PRKCE: variants seen among roughly 807,000 people sequenced by gnomAD.
The protein encoded by PRKCE is protein kinase C epsilon type.
Under a neutral mutation model 85.4 loss-of-function variants are expected in PRKCE, and 16 were observed. That is an observed-to-expected ratio of 0.19 (90% CI 0.13 to 0.28). The LOEUF (loss-of-function observed/expected upper bound fraction) is 0.28, where lower values mean the gene tolerates loss of function less well. Among genes scored for constraint, PRKCE ranks in the 10% least tolerant of loss-of-function variants. The probability of loss-of-function intolerance (pLI) is 1.00; values close to 1 mark genes in which losing one functional copy is unlikely to be tolerated. For synonymous variants in PRKCE, 388 were observed against 371.5 expected (o/e 1.04, Z -0.51); for missense variants, 573 against 975.2 (o/e 0.59, Z 5.49).
chr2:46,052,166 T>C (rs1188908454), intron 10 of PRKCE, among the ~76,000 whole-genome samples: 1 of 152,192 alleles, frequency 6.6e-6, no homozygotes, highest in Non-Finnish European at 1.5e-5. Flanking sequence ...TTCCTTCCAG[T>C]AGTTGAGTCT....
chr2:45,819,481 T>G (rs1366563298), intron 1 of PRKCE, among the ~76,000 whole-genome samples: 1 of 152,176 alleles, frequency 6.6e-6, no homozygotes, highest in African/African-American at 2.4e-5. Context: ...TGCAGCTGAG[T>G]GGCCGTTCTG....
At chr2:46,016,746 T>G (rs796325512) in intron 10 of PRKCE, among the ~76,000 whole-genome samples, 11 of 152,018 alleles carry the variant, frequency 7.2e-5, no homozygotes, top group African/African-American at 2.7e-4. Context: ...CCATCTTTAC[T>G]AAAAATACAA....
intron 14 of PRKCE, among the ~76,000 whole-genome samples, chr2:46,169,744 A>G (rs944107910): frequency 1.3e-5 from 2 of 152,142 alleles, no homozygotes; most frequent in African/African-American, 4.8e-5. Flanking sequence ...CAGGATTTGC[A>G]GACTTCCTGG....
At chr2:45,985,606 AG>A (rs1373263701) in intron 6 of PRKCE, among the ~76,000 whole-genome samples, 1 of 152,196 alleles carries the variant, frequency 6.6e-6, no homozygotes, top group Non-Finnish European at 1.5e-5. Context: ...TGGTCATTGA[AG>A]GGATCCCAAT....
Position 45,693,275 on chromosome 2 carries a change from A to G in PRKCE, c.348+40827A>G, listed in dbSNP as rs75508495. Among the ~76,000 whole-genome samples the G allele has an allele frequency of 7.0e-3, 1,059 of 152,304 alleles. 18 individuals are homozygous for G. The highest frequency in any genetic ancestry group is 0.024 in the African/African-American group (1,009 of 41,564). On this transcript the variant is annotated intron_variant, in intron 1 of 14. Coordinates refer to ENST00000306156, the MANE Select transcript of PRKCE (RefSeq NM_005400.3). ...AGAGAGTAAACTTGAAAGGAAGATA[A>G]GTTTGCTTGTAAAGATGTTGAATCT... is the stretch of plus-strand genomic sequence containing the variant.
At chr2:45,798,428 C>T (rs902976153) in intron 1 of PRKCE, among the ~76,000 whole-genome samples, 6 of 152,152 alleles carry the variant, frequency 3.9e-5, no homozygotes, top group Non-Finnish European at 7.3e-5. Context: ...ACATGCCTGC[C>T]CCCGACTTTT....
Position 45,907,224 on chromosome 2 carries a change from G to A in PRKCE, c.412+64161G>A, listed in dbSNP as rs748502831. 6.6e-6 allele frequency among the ~76,000 whole-genome samples: 1 copy of A among 152,198 alleles called. No homozygotes were observed. The highest frequency in any genetic ancestry group is 1.5e-5 in the Non-Finnish European group (1 of 68,036). ...AAAATGAAGCTTTAACTATCACAGAGCATCTGACTGAGAATAAAAAGATTT... is the reference window on the plus strand; with the variant it reads ...AAAATGAAGCTTTAACTATCACAGAACATCTGACTGAGAATAAAAAGATTT... On this transcript the variant is annotated intron_variant, in intron 2 of 14. Transcript: ENST00000306156. This position sits in a 1 kb window ranked among gnomAD's most constrained non-coding sequence, Gnocchi z 4.5.
chr2:46,007,071 C>G (rs1275731043), intron 8 of PRKCE, among the ~76,000 whole-genome samples: 9 of 152,194 alleles, frequency 5.9e-5, no homozygotes, highest in Non-Finnish European at 1.3e-4. Context: ...TTGTTCTCAT[C>G]TTCAGAGGAA....
intron 1 of PRKCE, among the ~76,000 whole-genome samples, chr2:45,703,940 C>G (rs1678895423): frequency 6.6e-6 from 1 of 152,194 alleles, no homozygotes; most frequent in African/African-American, 2.4e-5. Context: ...CTCCAAATAG[C>G]AAATGGGTAG....
chr2:45,738,369 G>A (rs1433588664), intron 1 of PRKCE, among the ~76,000 whole-genome samples: 2 of 152,122 alleles, frequency 1.3e-5, no homozygotes, highest in Non-Finnish European at 2.9e-5. Context: ...CTGATTTGCT[G>A]TTTTCTTCTT....
At chr2:46,075,037 A>G (rs1281928683) in intron 10 of PRKCE, among the ~76,000 whole-genome samples, 1 of 152,114 alleles carries the variant, frequency 6.6e-6, no homozygotes, top group Non-Finnish European at 1.5e-5. Flanking sequence ...ATGCTCAAAA[A>G]TCTTTTTCTT....
At chr2:45,853,724 C>G (rs975353137) in intron 2 of PRKCE, among the ~76,000 whole-genome samples, 2 of 152,212 alleles carry the variant, frequency 1.3e-5, no homozygotes, top group African/African-American at 4.8e-5. Flanking sequence ...CTGAGATAAA[C>G]AAGGTGTTTG....
intron 14 of PRKCE, among the ~76,000 whole-genome samples, chr2:46,177,545 G>C (rs893942921): frequency 9.9e-5 from 15 of 152,098 alleles, no homozygotes; most frequent in African/African-American, 3.4e-4. Context: ...ATATGTCCCT[G>C]TGTCTCTTCC....
chr2:45,696,106 A>G lies in PRKCE; in HGVS notation c.348+43658A>G, dbSNP rs1480794599. On this transcript the variant is annotated intron_variant, in intron 1 of 14. Coordinates refer to ENST00000306156, the MANE Select transcript of PRKCE (RefSeq NM_005400.3). ...CCCTCCCCTCCCCCCACCCCACAAC[A>G]GTCCCCAGAGTGTGAGAAATTTTTT... Among the ~76,000 whole-genome samples the G allele has an allele frequency of 3.5e-5, 3 of 84,528 alleles. No homozygotes were observed. In the East Asian group the frequency reaches 1.2e-3, roughly 32 times the overall value. 55.5% of individuals were successfully genotyped at this position (84,528 alleles called of 152,430 possible).
intron 1 of PRKCE, among the ~76,000 whole-genome samples, chr2:45,713,301 G>A (rs1679820615): frequency 6.6e-6 from 1 of 152,212 alleles, no homozygotes; most frequent in Non-Finnish European, 1.5e-5. Flanking sequence ...AGCCACAGGA[G>A]AGCATATGCC....
intron 11 of PRKCE, among the ~76,000 whole-genome samples, chr2:46,099,304 C>G (rs1371867561): frequency 1.3e-5 from 2 of 152,090 alleles, no homozygotes; most frequent in Non-Finnish European, 2.9e-5. Flanking sequence ...TCCTCAACAG[C>G]TTCTCCAGCC....
chr2:45,670,480 A>G (rs1445727296), intron 1 of PRKCE, among the ~76,000 whole-genome samples: 1 of 152,236 alleles, frequency 6.6e-6, no homozygotes, highest in African/African-American at 2.4e-5. Flanking sequence ...CAATATGAAT[A>G]AATATTGCCT....
chr2:46,073,486 G>C (rs940080688), intron 10 of PRKCE: 1 of 151,530 alleles, frequency 6.6e-6, no homozygotes. Flanking sequence ...ACTGGGGCTG[G>C]CTGTTGCACT....
chr2:46,112,957 A>T (rs925978005), intron 11 of PRKCE, among the ~76,000 whole-genome samples: 3 of 152,214 alleles, frequency 2.0e-5, no homozygotes, highest in Admixed American at 6.5e-5. Context: ...ATATGAAAAA[A>T]GTTTGTTCTA....
Sources: gnomAD v4.1 joint callset for allele counts (sites outside exome capture counted in the v4.1 genomes callset) on GRCh38, gnomAD v4.1.1 for gene constraint, Gnocchi (gnomAD v3.1) non-coding constraint, MANE v1.5 for transcripts, NCBI Gene and HGNC (gene_info 2026-07-23, HGNC 2026-07-21) for gene names.